ALDH1A2: variants seen among roughly 807,000 people sequenced by gnomAD.
The protein encoded by ALDH1A2 is aldehyde dehydrogenase 1 family member A2, also known as retinal dehydrogenase 2.
In ALDH1A2, 27 loss-of-function variants were observed where a neutral mutation model predicts 60.3. That is an observed-to-expected ratio of 0.45 (90% CI 0.33 to 0.62). ALDH1A2 has a LOEUF of 0.62. Among genes scored for constraint, ALDH1A2 ranks in the 20% least tolerant of loss-of-function variants. The pLI, the probability that ALDH1A2 is intolerant of heterozygous loss-of-function variation, is 0.02. For synonymous variants in ALDH1A2, 289 were observed against 232.4 expected (o/e 1.24, Z -2.21); for missense variants, 581 against 643.8 (o/e 0.90, Z 1.06).
At chr15:58,014,455 A>G (rs1188696840) in intron 1 of ALDH1A2, 174 bp from the exon 2 acceptor site, 4 of 673,100 alleles carry the variant, frequency 5.9e-6, no homozygotes, top group African/African-American at 3.5e-5. Flanking sequence ...AATTTCCTCT[A>G]TATTTTTGCT....
intron 1 of ALDH1A2, chr15:58,014,583 C>A: frequency 2.1e-6 from 1 of 474,500 alleles, no homozygotes; most frequent in Non-Finnish European, 4.2e-6. Context: ...GATGCTAAGG[C>A]AAGAGTTATC....
At chr15:57,983,318 C>T (rs34158786) in intron 7 of ALDH1A2, among the ~76,000 whole-genome samples, 240 of 152,200 alleles carry the variant, frequency 1.6e-3, no homozygotes, top group African/African-American at 5.6e-3. Flanking sequence ...TATCAAATAA[C>T]ACATTGTGAG....
rs1596066874 is a variant in ALDH1A2, at chr15:57,963,939, G to A, written c.1032C>T (p.Ala344=). ...AGGGACTCCCCACTACGCGCCTCTT[G>A]GCCCGCTCCACGCTTCTTCTCACAA... ...EEFVRRSVER[A]KRRVVGSPFD... Residue 344 remains alanine, a synonymous_variant, in exon 9 of 13, where the codon GCC becomes GCT. Transcript: ENST00000249750. 3 of 1,614,002 alleles carry A rather than the reference G, an allele frequency of 1.9e-6. No individual in the cohort carries two copies. In the African/African-American group the frequency reaches 4.0e-5, roughly 22 times the overall value.
At chr15:57,993,207 G>C in intron 5 of ALDH1A2, 134 bp from the exon 6 acceptor site, 1 of 1,090,154 alleles carries the variant, frequency 9.2e-7, no homozygotes, top group Non-Finnish European at 1.3e-6. Flanking sequence ...CAGATGTTTG[G>C]ATTTTCAATT....
At chr15:57,968,894 C>G (rs1056149996) in intron 7 of ALDH1A2, among the ~76,000 whole-genome samples, 1 of 152,172 alleles carries the variant, frequency 6.6e-6, no homozygotes, top group Admixed American at 6.5e-5. Context: ...AAGTTTCAGT[C>G]TATGATCATC....
At chr15:58,020,454 A>T (rs2140526230) in intron 1 of ALDH1A2, among the ~76,000 whole-genome samples, 1 of 152,344 alleles carries the variant, frequency 6.6e-6, no homozygotes, top group Non-Finnish European at 1.5e-5. Flanking sequence ...CTGAAGAACG[A>T]GGAGAATATG....
Position 57,961,148 on chromosome 15 carries a change from A to G in ALDH1A2, c.1398T>C (p.Ala466=). 6.2e-7 allele frequency: 1 copy of G among 1,614,124 alleles called. No homozygotes were observed. Among genetic ancestry groups the G allele is most frequent in the Non-Finnish European group, 8.5e-7 (1 of 1,179,996 alleles). The change falls in exon 11 of 13, where the codon GCT becomes GCC. Residue 466 remains alanine (A), a synonymous_variant. Transcript: ENST00000249750. ...GACTCTGATCTTACCAAACAGTCCC[A>G]GCTTGCATTGCAGAAGACACTGTGA... ...KALTVSSAMQ[A]GTVWINCYNA...
intron 1 of ALDH1A2, among the ~76,000 whole-genome samples, chr15:58,054,261 C>T (rs36111622): frequency 0.031 from 4,708 of 152,164 alleles, 114 homozygotes; most frequent in Non-Finnish European, 0.05. Flanking sequence ...AAAGAAAAGG[C>T]ATAAGTTTGG....
intron 1 of ALDH1A2, among the ~76,000 whole-genome samples, chr15:58,033,726 A>C (rs934566741): frequency 1.4e-5 from 2 of 144,842 alleles, no homozygotes; most frequent in African/African-American, 2.6e-5. Context: ...TTTTTCCAGC[A>C]TGATTTGTTG....
At chr15:58,047,728 ACTT>A (rs1896670243) in intron 1 of ALDH1A2, among the ~76,000 whole-genome samples, 1 of 151,926 alleles carries the variant, frequency 6.6e-6, no homozygotes, top group African/African-American at 2.4e-5. Flanking sequence ...GGGGGAAAAA[ACTT>A]CTTCCTGAAA....
chr15:58,017,763 GT>G (rs536889472), intron 1 of ALDH1A2, among the ~76,000 whole-genome samples: 30 of 151,734 alleles, frequency 2.0e-4, no homozygotes, highest in African/African-American at 4.1e-4. Context: ...TTATTTTGCT[GT>G]TTTTTTTACC....
intron 7 of ALDH1A2, among the ~76,000 whole-genome samples, chr15:57,983,903 T>A (rs1250106407): frequency 6.6e-6 from 1 of 152,206 alleles, no homozygotes; most frequent in Non-Finnish European, 1.5e-5. Flanking sequence ...CAGTGTCAAA[T>A]GGAAACCCTG....
chr15:58,036,967 C>T (rs1023406874), intron 1 of ALDH1A2, among the ~76,000 whole-genome samples: 3 of 151,674 alleles, frequency 2.0e-5, no homozygotes, highest in African/African-American at 7.2e-5. Flanking sequence ...GCCTGATCAG[C>T]CCTTCTTTAA....
Position 57,961,252 on chromosome 15 carries a change from C to T in ALDH1A2, c.1294G>A (p.Asp432Asn). Residue 432 changes from aspartate to asparagine, a missense_variant, in exon 11 of 13, where the codon GAT (aspartate) becomes AAT (asparagine). Coordinates refer to ENST00000249750, the MANE Select transcript of ALDH1A2 (RefSeq NM_003888.4). Reference protein sequence around the residue: ...VQEILRFKTMDEVIERANNSD... With the variant: ...VQEILRFKTMNEVIERANNSD... Reference sequence around the variant, plus strand: ...TTATTGGCTCTTTCGATAACTTCATCCATCGTCTTAAATCTCAAAATTTCC... The same window carrying T: ...TTATTGGCTCTTTCGATAACTTCATTCATCGTCTTAAATCTCAAAATTTCC... The T allele has an allele frequency of 6.2e-7, 1 of 1,614,036 alleles. No homozygotes were observed. Among genetic ancestry groups the T allele is most frequent in the Non-Finnish European group, 8.5e-7 (1 of 1,180,000 alleles).
chr15:57,966,945 G>C (rs981622631), intron 7 of ALDH1A2, among the ~76,000 whole-genome samples: 3 of 152,204 alleles, frequency 2.0e-5, no homozygotes, highest in African/African-American at 7.2e-5. Flanking sequence ...GAGCAGAGCC[G>C]CCATATAGTC....
At chr15:58,045,219 G>C (rs1484252658) in intron 1 of ALDH1A2, among the ~76,000 whole-genome samples, 1 of 151,992 alleles carries the variant, frequency 6.6e-6, no homozygotes, top group African/African-American at 2.4e-5. Context: ...AGTTAGAACG[G>C]CAATCATTAA....
intron 4 of ALDH1A2, among the ~76,000 whole-genome samples, chr15:58,006,262 G>A (rs1398705684): frequency 6.6e-6 from 1 of 151,912 alleles, no homozygotes; most frequent in Non-Finnish European, 1.5e-5. Context: ...GAGAATATAA[G>A]ATATTTGGTT....
chr15:57,988,891 G>A (rs367664958), intron 7 of ALDH1A2, among the ~76,000 whole-genome samples: 13 of 150,454 alleles, frequency 8.6e-5, no homozygotes, highest in South Asian at 4.2e-4. Context: ...GTTATGTGCC[G>A]GGCGCAGTGG....
At chr15:58,041,916 C>T (rs536400804) in intron 1 of ALDH1A2, among the ~76,000 whole-genome samples, 1 of 151,970 alleles carries the variant, frequency 6.6e-6, no homozygotes, top group East Asian at 2.0e-4. Context: ...AAGTGAACTC[C>T]AACACCATAT....
Sources: allele counts gnomAD v4.1 joint callset (sites outside exome capture counted in the v4.1 genomes callset), GRCh38; gene constraint gnomAD v4.1.1; transcripts MANE v1.5; gene names NCBI Gene and HGNC (gene_info 2026-07-23, HGNC 2026-07-21).